MED13L: variants seen among roughly 807,000 people sequenced by gnomAD.
MED13L encodes mediator complex subunit 13L.
In MED13L, 7 loss-of-function variants were observed where a neutral mutation model predicts 220.9. That is an observed-to-expected ratio of 0.03 (90% CI 0.02 to 0.06). MED13L has a LOEUF of 0.06. Ranked by LOEUF, MED13L falls within the 10% of genes least tolerant of loss-of-function variation. MED13L has a pLI of 1.00. For missense variants in MED13L, 1,965 were observed against 2,760.5 expected (o/e 0.71, Z 6.46); for synonymous variants, 1,011 against 1,015.2 (o/e 1.00, Z 0.08).
intron 29 of MED13L, among the ~76,000 whole-genome samples, chr12:115,964,303 C>A (rs1875985231): frequency 6.6e-6 from 1 of 152,072 alleles, no homozygotes; most frequent in Admixed American, 6.5e-5. Flanking sequence ...TCAAAAATGT[C>A]TTTTTATAAT....
chr12:116,233,934 A>C (rs529883722), intron 2 of MED13L, among the ~76,000 whole-genome samples: 1 of 152,300 alleles, frequency 6.6e-6, no homozygotes, highest in South Asian at 2.1e-4. Context: ...CAAGCAATTA[A>C]ACAAAAAGTA....
chr12:115,983,091 C>T, intron 21 of MED13L, 26 bp downstream of exon 21: 1 of 1,608,538 alleles, frequency 6.2e-7, no homozygotes, highest in South Asian at 1.1e-5. Context: ...GCTGAAGCCA[C>T]TCATCTCAAT....
chr12:116,250,957 TATAA>T (rs1440769324), intron 1 of MED13L, among the ~76,000 whole-genome samples: 1 of 151,794 alleles, frequency 6.6e-6, no homozygotes, highest in East Asian at 1.9e-4. Context: ...GTTTTTACAT[TATAA>T]ATAAAGAAGT....
intron 2 of MED13L, among the ~76,000 whole-genome samples, chr12:116,187,283 A>G (rs1255202803): frequency 6.6e-6 from 1 of 152,220 alleles, no homozygotes; most frequent in Non-Finnish European, 1.5e-5. Flanking sequence ...TTGAGAGACT[A>G]CTTGACCTCT....
At chr12:115,961,637 A>G in intron 30 of MED13L, 3 of 567,208 alleles carry the variant, frequency 5.3e-6, no homozygotes, top group Non-Finnish European at 9.5e-6. Flanking sequence ...GGCCAGTAGG[A>G]ACTTGCGTGG....
intron 4 of MED13L, among the ~76,000 whole-genome samples, chr12:116,033,589 A>G (rs1274836395): frequency 6.6e-6 from 1 of 152,164 alleles, no homozygotes; most frequent in East Asian, 1.9e-4. Context: ...TAAAAAAAAG[A>G]CCATCAAAAT....
At chr12:116,235,232 T>C (rs1026679922) in intron 2 of MED13L, among the ~76,000 whole-genome samples, 12 of 152,194 alleles carry the variant, frequency 7.9e-5, no homozygotes, top group African/African-American at 2.7e-4. Context: ...ACACTTCATA[T>C]AAATGAATCT....
At chr12:116,217,121 TG>T (rs1883046016) in intron 2 of MED13L, among the ~76,000 whole-genome samples, 1 of 152,244 alleles carries the variant, frequency 6.6e-6, no homozygotes, top group South Asian at 2.1e-4. Flanking sequence ...TGTGCTGGGA[TG>T]TGTGCTCTCT....
chr12:116,106,931 T>TCAC (rs1416081446), intron 3 of MED13L, among the ~76,000 whole-genome samples: 4 of 152,122 alleles, frequency 2.6e-5, no homozygotes, highest in Non-Finnish European at 5.9e-5. Flanking sequence ...ACTTTTAATG[T>TCAC]TTGTCTCCCA....
At chr12:116,185,890 T>G (rs1424540682) in intron 2 of MED13L, among the ~76,000 whole-genome samples, 1 of 152,190 alleles carries the variant, frequency 6.6e-6, no homozygotes, top group Non-Finnish European at 1.5e-5. Context: ...GACTCAGGGC[T>G]TCACCATGTT....
intron 1 of MED13L, among the ~76,000 whole-genome samples, chr12:116,256,682 CTTTTTT>C (rs35608298): frequency 2.1e-5 from 2 of 96,234 alleles, no homozygotes; most frequent in African/African-American, 4.1e-5. Flanking sequence ...AAACAAACTA[CTTTTTT>C]TTTTTTTTTT....
chr12:116,179,204 CGTGTGTGT>C lies in MED13L; in HGVS notation c.310+58256_310+58263del, dbSNP rs60501771. The stretch of plus-strand genomic sequence containing the variant: ...AAATAATTTAAAATTTGACGATTTA[CGTGTGTGT>C]GTGTGTGTGTGTGTGTGTGTGTGTA... On this transcript the variant is annotated intron_variant, in intron 2 of 30. Coordinates refer to ENST00000281928, the MANE Select transcript of MED13L (RefSeq NM_015335.5). Among the ~76,000 whole-genome samples the C allele has an allele frequency of 2.4e-3, 351 of 148,186 alleles. 1 individual carries two copies. The highest frequency in any genetic ancestry group is 7.0e-3 in the African/African-American group (283 of 40,388).
chr12:116,135,450 A>C (rs1323653557), intron 2 of MED13L, among the ~76,000 whole-genome samples: 1 of 152,216 alleles, frequency 6.6e-6, no homozygotes, highest in African/African-American at 2.4e-5. Flanking sequence ...CCAGCCATTC[A>C]ATTATACTAG....
chr12:116,061,009 T>C (rs1392090419), intron 4 of MED13L, among the ~76,000 whole-genome samples: 1 of 152,132 alleles, frequency 6.6e-6, no homozygotes, highest in African/African-American at 2.4e-5. Context: ...TGCCTTCTTC[T>C]CCTCCCATCT....
intron 26 of MED13L, among the ~76,000 whole-genome samples, chr12:115,971,417 A>G (rs1461170675): frequency 1.3e-5 from 2 of 152,222 alleles, no homozygotes; most frequent in Non-Finnish European, 2.9e-5. Context: ...TGACTTTTAT[A>G]AGGAATAAGT....
rs1437253073 is a variant in MED13L at position 116,001,239 on chromosome 12, G to A, written c.2569+1764C>T. ...TGAGATGGAGTCTTGCTCTGTCGCC[G>A]AGGCTGGAGTGCAGTGGTGCTATCT... On this transcript the variant is annotated intron_variant, in intron 14 of 30. Coordinates refer to ENST00000281928, the MANE Select transcript of MED13L (RefSeq NM_015335.5). 2.6e-5 allele frequency among the ~76,000 whole-genome samples: 4 copies of A among 152,038 alleles called. No homozygotes were observed. The South Asian group carries it at 8.3e-4, about 32-fold the overall frequency.
In MED13L at chr12:116,009,778, A is replaced by G. The variant is rs557145818; in HGVS notation, c.1281-646T>C. ...AGAAGTTAACACCACACATACACAA[A>G]TGCACCTGAACCATCTAAGCAGAAA... On this transcript the variant is annotated intron_variant, in intron 9 of 30. Transcript: ENST00000281928. Among the ~76,000 whole-genome samples, 10 of 152,264 alleles carry G rather than the reference A, an allele frequency of 6.6e-5. No homozygotes were observed. In the South Asian group the frequency reaches 2.1e-3, roughly 32 times the overall value.
At chr12:116,161,280 A>AC (rs1477451808) in intron 2 of MED13L, among the ~76,000 whole-genome samples, 2 of 152,180 alleles carry the variant, frequency 1.3e-5, no homozygotes, top group African/African-American at 4.8e-5. Context: ...GTGGACGTGC[A>AC]CTGACCTCCT....
chr12:115,992,097 TTTCTC>T, intron 16 of MED13L, 140 bp from the exon 17 acceptor site: 3 of 796,176 alleles, frequency 3.8e-6, no homozygotes, highest in Admixed American at 2.1e-5. Context: ...TATATTTAAT[TTTCTC>T]TTAAAAAAAA....
Sources: allele counts gnomAD v4.1 joint callset (sites outside exome capture counted in the v4.1 genomes callset), GRCh38; gene constraint gnomAD v4.1.1; transcripts MANE v1.5; gene names NCBI Gene and HGNC (gene_info 2026-07-23, HGNC 2026-07-21).